ADAMTS16: variants seen among roughly 807,000 people sequenced by gnomAD.
The protein encoded by ADAMTS16 is A disintegrin and metalloproteinase with thrombospondin motifs 16.
A neutral mutation model predicts 145.8 loss-of-function variants in ADAMTS16; 94 were observed. The ratio of observed to expected loss-of-function variants is 0.64; its 90% CI spans 0.55 to 0.77. The LOEUF (loss-of-function observed/expected upper bound fraction) is 0.77. ADAMTS16 is among the 30% of genes least tolerant of loss of function. The pLI is 0.00. For synonymous variants in ADAMTS16, 659 were observed against 604.3 expected (o/e 1.09, Z -1.33); for missense variants, 1,585 against 1,591.5 (o/e 1.00, Z 0.07).
At chr5:5,197,070 G>A (rs994035796) in intron 8 of ADAMTS16, among the ~76,000 whole-genome samples, 3 of 152,084 alleles carry the variant, frequency 2.0e-5, no homozygotes, top group African/African-American at 7.2e-5. Context: ...CAGGGCTCTG[G>A]GCAGCTCAGT....
At chr5:5,248,040 A>G (rs754454140) in intron 17 of ADAMTS16, among the ~76,000 whole-genome samples, 4 of 152,272 alleles carry the variant, frequency 2.6e-5, no homozygotes, top group Non-Finnish European at 4.4e-5. Context: ...CATCAATAAT[A>G]TATCTAGCAC....
intron 12 of ADAMTS16, 54 bp from the exon 13 acceptor site, chr5:5,234,960 G>T: frequency 1.4e-6 from 2 of 1,402,724 alleles, no homozygotes; most frequent in South Asian, 1.8e-5. Flanking sequence ...TAATTTTAAA[G>T]AATTTAGTAG....
chr5:5,265,943 C>T (rs1738223231), intron 18 of ADAMTS16, among the ~76,000 whole-genome samples: 1 of 151,224 alleles, frequency 6.6e-6, no homozygotes, highest in Admixed American at 6.6e-5. Flanking sequence ...ACCGAGTTAC[C>T]AGTGCTATGA....
chr5:5,265,022 C>T (rs146365536), intron 18 of ADAMTS16, among the ~76,000 whole-genome samples: 5 of 152,286 alleles, frequency 3.3e-5, no homozygotes, highest in African/African-American at 1.2e-4. Context: ...AGAGCACAGC[C>T]CACTCATCAG....
At chr5:5,147,435 G>T (rs1356101137) in intron 3 of ADAMTS16, among the ~76,000 whole-genome samples, 1 of 152,184 alleles carries the variant, frequency 6.6e-6, no homozygotes, top group East Asian at 1.9e-4. Flanking sequence ...AAGATTTTGT[G>T]TGTGTGAATT....
intron 21 of ADAMTS16, among the ~76,000 whole-genome samples, chr5:5,308,143 C>T (rs35614306): frequency 0.066 from 10,107 of 152,324 alleles, 464 homozygotes; most frequent in Middle Eastern, 0.11. Context: ...CCAAGACACC[C>T]GTCACCAAAG....
At chr5:5,193,272 G>T (rs567950119) in intron 8 of ADAMTS16, among the ~76,000 whole-genome samples, 22 of 152,084 alleles carry the variant, frequency 1.4e-4, no homozygotes, top group African/African-American at 4.6e-4. Context: ...GTGAACTGAT[G>T]ACCTGAAAAA....
At chr5:5,198,378 C>G (rs1735865495) in intron 8 of ADAMTS16, among the ~76,000 whole-genome samples, 2 of 152,176 alleles carry the variant, frequency 1.3e-5, no homozygotes, top group Admixed American at 1.3e-4. Context: ...ATGACTACAT[C>G]TACATCACCC....
chr5:5,252,049 C>T (rs1322813936), intron 17 of ADAMTS16, among the ~76,000 whole-genome samples: 2 of 152,178 alleles, frequency 1.3e-5, no homozygotes, highest in South Asian at 2.1e-4. Flanking sequence ...CGGGGTTTCA[C>T]CGTGTTAGCC....
chr5:5,173,715 T>C (rs1735111842), intron 3 of ADAMTS16, among the ~76,000 whole-genome samples: 1 of 152,124 alleles, frequency 6.6e-6, no homozygotes, highest in South Asian at 2.1e-4. Context: ...CCTCATGATC[T>C]GCCTGCCTCG....
At chr5:5,252,921 C>A (rs1384443441) in intron 17 of ADAMTS16, among the ~76,000 whole-genome samples, 2 of 152,184 alleles carry the variant, frequency 1.3e-5, no homozygotes, top group Non-Finnish European at 2.9e-5. Flanking sequence ...TGAAATTCTC[C>A]ACTGGTGCTC....
At chr5:5,283,556 A>G (rs1009760750) in intron 18 of ADAMTS16, among the ~76,000 whole-genome samples, 3 of 152,058 alleles carry the variant, frequency 2.0e-5, no homozygotes, top group African/African-American at 4.8e-5. Flanking sequence ...TTTATCAAGA[A>G]GATTGGCCTT....
chr5:5,208,222 G>A (rs1046937601), intron 9 of ADAMTS16, among the ~76,000 whole-genome samples: 3 of 150,990 alleles, frequency 2.0e-5, no homozygotes, highest in Non-Finnish European at 4.4e-5. Flanking sequence ...CTAGAAATGA[G>A]CCAGAAATCT....
At chr5:5,179,638 GT>G (rs1362866842) in intron 3 of ADAMTS16, among the ~76,000 whole-genome samples, 1 of 152,148 alleles carries the variant, frequency 6.6e-6, no homozygotes, top group Non-Finnish European at 1.5e-5. Context: ...TTGTGTCTTC[GT>G]TTAGTTCCCG....
intron 18 of ADAMTS16, among the ~76,000 whole-genome samples, chr5:5,268,173 C>A (rs1367066705): frequency 6.6e-6 from 1 of 152,206 alleles, no homozygotes; most frequent in Non-Finnish European, 1.5e-5. Flanking sequence ...CTTGACAGAT[C>A]CTGTCTGGAT....
chr5:5,234,596 G>A (rs2913627), intron 12 of ADAMTS16, among the ~76,000 whole-genome samples: 107,183 of 152,096 alleles, frequency 0.7, 38,428 homozygotes, highest in East Asian at 0.83. Context: ...TTCCAGCTGG[G>A]CGTGGTGGCT....
At chr5:5,147,615 G>A (rs1411128857) in intron 3 of ADAMTS16, among the ~76,000 whole-genome samples, 3 of 152,204 alleles carry the variant, frequency 2.0e-5, no homozygotes, top group Non-Finnish European at 4.4e-5. Flanking sequence ...AGTTGCCAGG[G>A]ATAGGGTGGT....
chr5:5,216,959 G>A (rs1250088673), intron 10 of ADAMTS16, among the ~76,000 whole-genome samples: 1 of 151,704 alleles, frequency 6.6e-6, no homozygotes, highest in Non-Finnish European at 1.5e-5. Context: ...TGGCTGCATA[G>A]TATTCCATGG....
intron 17 of ADAMTS16, among the ~76,000 whole-genome samples, chr5:5,254,071 C>T (rs143072112): frequency 7.0e-4 from 107 of 152,256 alleles, no homozygotes; most frequent in African/African-American, 2.4e-3. Context: ...CCCATTGTAG[C>T]GAATTCACAC....
Sources: gnomAD v4.1 joint callset for allele counts (sites outside exome capture counted in the v4.1 genomes callset) on GRCh38, gnomAD v4.1.1 for gene constraint, MANE v1.5 for transcripts, NCBI Gene and HGNC (gene_info 2026-07-23, HGNC 2026-07-21) for gene names.